Variants in NTRK2 observed in about 807,000 individuals in gnomAD.
The protein encoded by NTRK2 is BDNF/NT-3 growth factors receptor.
Under a neutral mutation model 94.5 loss-of-function variants are expected in NTRK2, and 13 were observed. That is an observed-to-expected ratio of 0.14 (90% CI 0.09 to 0.22). The LOEUF (loss-of-function observed/expected upper bound fraction) is 0.22. NTRK2 is among the 10% of genes least tolerant of loss of function. The pLI is 1.00. For synonymous variants in NTRK2, 372 were observed against 407.4 expected (o/e 0.91, Z 1.05); for missense variants, 639 against 1,071.2 (o/e 0.60, Z 5.63).
At chr9:84,879,456 T>G (rs1457720970) in intron 14 of NTRK2, among the ~76,000 whole-genome samples, 1 of 152,232 alleles carries the variant, frequency 6.6e-6, no homozygotes, top group African/African-American at 2.4e-5. Context: ...GCGCTCTTTT[T>G]GTAATATTTG....
In NTRK2 at chr9:85,026,106, T is replaced by C. The variant is rs1400153903; in HGVS notation, c.*4669T>C. ...TATTTATTTATATACTTTTGCTCCATTCAGCACAAACACAAAGCAAAGCAA... is the reference window on the plus strand; with the variant it reads ...TATTTATTTATATACTTTTGCTCCACTCAGCACAAACACAAAGCAAAGCAA... On this transcript the variant is annotated 3_prime_UTR_variant, in exon 19 of 19. Transcript: ENST00000277120. 3 of 191,584 alleles carry C rather than the reference T, an allele frequency of 1.6e-5. No homozygotes were observed. Among genetic ancestry groups the C allele is most frequent in the South Asian group, 2.5e-4 (1 of 4,008 alleles). The allele number at this position is 191,584 out of a possible 1,614,324, so 11.9% of individuals were successfully genotyped here.
At chr9:84,763,024 A>G (rs923896150) in intron 12 of NTRK2, among the ~76,000 whole-genome samples, 4 of 152,138 alleles carry the variant, frequency 2.6e-5, no homozygotes, top group African/African-American at 9.7e-5. Flanking sequence ...GTTCCTAACC[A>G]AGTTCTGCCA....
chr9:84,797,650 A>ACT lies in NTRK2; in HGVS notation c.1396+45565_1396+45566insCT, dbSNP rs1222559882. ...TATTATATATTATATATACTATAAT[A>ACT]ATATATATATTATATATTATATATT... On this transcript the variant is annotated intron_variant, in intron 12 of 18. Transcript: ENST00000277120. 1.1e-4 allele frequency among the ~76,000 whole-genome samples: 5 copies of ACT among 46,354 alleles called. 1 individual carries two copies. In the South Asian group the frequency reaches 1.4e-3, roughly 13 times the overall value. The allele number at this position is 46,354 out of a possible 152,430, so 30.4% of individuals were successfully genotyped here.
chr9:84,693,390 G>T (rs2060174450), intron 2 of NTRK2, among the ~76,000 whole-genome samples: 1 of 151,906 alleles, frequency 6.6e-6, no homozygotes, highest in Non-Finnish European at 1.5e-5. Context: ...AAATTTTGGT[G>T]GTCCCTGTTG....
At chr9:84,696,770 G>A (rs1023151273) in intron 2 of NTRK2, among the ~76,000 whole-genome samples, 7 of 152,312 alleles carry the variant, frequency 4.6e-5, no homozygotes, top group African/African-American at 1.4e-4. Context: ...AGCATTTTTG[G>A]TGTTGTGTCT....
At chr9:85,011,248 T>C (rs1831537649) in intron 17 of NTRK2, among the ~76,000 whole-genome samples, 1 of 152,020 alleles carries the variant, frequency 6.6e-6, no homozygotes, top group African/African-American at 2.4e-5. Flanking sequence ...GAAGATCTGA[T>C]AAAGGGCCAC....
At chr9:84,759,304 A>G (rs2065345286) in intron 12 of NTRK2, among the ~76,000 whole-genome samples, 1 of 152,260 alleles carries the variant, frequency 6.6e-6, no homozygotes, top group Admixed American at 6.5e-5. Flanking sequence ...TGAGAGCAGA[A>G]GATGCTTATT....
At chr9:84,927,815 A>T (rs1280081684) in intron 14 of NTRK2, among the ~76,000 whole-genome samples, 1 of 152,162 alleles carries the variant, frequency 6.6e-6, no homozygotes, top group Non-Finnish European at 1.5e-5. Flanking sequence ...CCATAATAAC[A>T]ATCAGCACAG....
chr9:84,959,894 G>T (rs536875866), intron 17 of NTRK2, among the ~76,000 whole-genome samples: 1 of 152,250 alleles, frequency 6.6e-6, no homozygotes, highest in African/African-American at 2.4e-5. Flanking sequence ...TGGGTGGTTT[G>T]CACTGTTTGG....
intron 11 of NTRK2, 93 bp from the exon 12 acceptor site, chr9:84,751,893 C>A: frequency 3.2e-6 from 3 of 948,700 alleles, no homozygotes; most frequent in Non-Finnish European, 5.2e-6. Context: ...ATATGAACTG[C>A]CTGTATCATT....
chr9:84,819,381 G>A (rs1195616087), intron 12 of NTRK2, among the ~76,000 whole-genome samples: 1 of 152,182 alleles, frequency 6.6e-6, no homozygotes, highest in African/African-American at 2.4e-5. Context: ...TACCTTACCT[G>A]TGGAGAGTTC....
intron 14 of NTRK2, among the ~76,000 whole-genome samples, chr9:84,911,306 T>C (rs1273099198): frequency 6.6e-6 from 1 of 152,166 alleles, no homozygotes; most frequent in Non-Finnish European, 1.5e-5. Flanking sequence ...TAAATAAATG[T>C]ATAAATACTC....
intron 12 of NTRK2, among the ~76,000 whole-genome samples, chr9:84,805,827 A>G (rs1231266483): frequency 6.6e-6 from 1 of 152,222 alleles, no homozygotes; most frequent in Admixed American, 6.5e-5. Flanking sequence ...TACAAAGAGT[A>G]AGAGACAGCT....
chr9:84,820,932 C>G (rs1244025954), intron 12 of NTRK2, among the ~76,000 whole-genome samples: 1 of 152,150 alleles, frequency 6.6e-6, no homozygotes, highest in Non-Finnish European at 1.5e-5. Context: ...TATAAAATCT[C>G]TGCTTCTGGC....
chr9:84,975,447 A>G (rs1274252555), intron 17 of NTRK2, among the ~76,000 whole-genome samples: 1 of 152,230 alleles, frequency 6.6e-6, no homozygotes. Flanking sequence ...AAAATGTAAT[A>G]TTAATAGGTT....
chr9:84,793,275 T>C (rs2068921511), intron 12 of NTRK2, among the ~76,000 whole-genome samples: 1 of 136,848 alleles, frequency 7.3e-6, no homozygotes, highest in Non-Finnish European at 1.6e-5. Flanking sequence ...TGTGACAAAT[T>C]GGATTAATTG....
At chr9:84,725,246 A>C (rs958697531) in intron 8 of NTRK2, among the ~76,000 whole-genome samples, 1 of 152,310 alleles carries the variant, frequency 6.6e-6, no homozygotes, top group African/African-American at 2.4e-5. Context: ...CACTCATAGC[A>C]CACATTCAGT....
intron 11 of NTRK2, among the ~76,000 whole-genome samples, chr9:84,745,337 A>G (rs2063976133): frequency 6.6e-6 from 1 of 152,236 alleles, no homozygotes; most frequent in Admixed American, 6.5e-5. Context: ...GGGTATCACC[A>G]GAAGAGCAAG....
In NTRK2 at chr9:85,018,008, A is replaced by G. The variant is rs143615085; in HGVS notation, c.2173-2198A>G. ...AGGGATTATTTTTCCCTTTGATTTC[A>G]TCTTACCCATTTTTTTTTGCATGTT... is the stretch of plus-strand genomic sequence containing the variant. On this transcript the variant is annotated intron_variant, in intron 17 of 18. Coordinates refer to ENST00000277120, the MANE Select transcript of NTRK2 (RefSeq NM_006180.6). Among the ~76,000 whole-genome samples the G allele has an allele frequency of 4.9e-3, 750 of 152,268 alleles. 7 individuals carry two copies. Among genetic ancestry groups the G allele is most frequent in the African/African-American group, 0.017 (696 of 41,542 alleles).
Sources: allele counts gnomAD v4.1 joint callset (sites outside exome capture counted in the v4.1 genomes callset), GRCh38; gene constraint gnomAD v4.1.1; transcripts MANE v1.5; gene names NCBI Gene and HGNC (gene_info 2026-07-23, HGNC 2026-07-21).